The following DSCAML1 variants were observed in gnomAD, a reference collection of about 807,000 sequenced individuals.
DSCAML1 encodes the protein cell adhesion molecule DSCAML1.
A neutral mutation model predicts 200.5 loss-of-function variants in DSCAML1; 38 were observed. The observed-to-expected ratio is 0.19, with a 90% CI of 0.15 to 0.25. The LOEUF (loss-of-function observed/expected upper bound fraction) is 0.25. Ranked by LOEUF, DSCAML1 falls within the 10% of genes least tolerant of loss-of-function variation. DSCAML1 has a pLI of 1.00. For missense variants in DSCAML1, 2,223 were observed against 2,858.8 expected (o/e 0.78, Z 5.07); for synonymous variants, 1,215 against 1,165.0 (o/e 1.04, Z -0.87).
At chr11:117,649,508 A>C (rs2052586259) in intron 3 of DSCAML1, among the ~76,000 whole-genome samples, 1 of 150,952 alleles carries the variant, frequency 6.6e-6, no homozygotes, top group Non-Finnish European at 1.5e-5. Context: ...AATATCTTTG[A>C]CTCTCCCATC....
chr11:117,749,416 G>A (rs1207340351), intron 3 of DSCAML1, among the ~76,000 whole-genome samples: 8 of 152,210 alleles, frequency 5.3e-5, no homozygotes. Flanking sequence ...GACACAGAAG[G>A]CAGGGCCAGG....
At chr11:117,720,941 G>A (rs2054032416) in intron 3 of DSCAML1, among the ~76,000 whole-genome samples, 1 of 152,216 alleles carries the variant, frequency 6.6e-6, no homozygotes, top group Non-Finnish European at 1.5e-5. Flanking sequence ...TGTCCTCTAA[G>A]AAGTGTCCTG....
At chr11:117,691,445 T>C (rs1226299808) in intron 3 of DSCAML1, among the ~76,000 whole-genome samples, 1 of 152,234 alleles carries the variant, frequency 6.6e-6, no homozygotes, top group South Asian at 2.1e-4. Context: ...TTACATTCAG[T>C]TGCAGGCTTC....
At chr11:117,594,772 T>TG (rs1272350671) in intron 3 of DSCAML1, among the ~76,000 whole-genome samples, 1 of 152,186 alleles carries the variant, frequency 6.6e-6, no homozygotes, top group African/African-American at 2.4e-5. Context: ...TAGTCCTATG[T>TG]GGTTGGAGCC....
At chr11:117,582,096 G>A (rs954336431) in intron 3 of DSCAML1, among the ~76,000 whole-genome samples, 2 of 152,158 alleles carry the variant, frequency 1.3e-5, no homozygotes, top group African/African-American at 2.4e-5. Flanking sequence ...GAGTTCAGGG[G>A]ACAAGAAGGG....
chr11:117,537,079 C>T (rs533734802), intron 3 of DSCAML1, among the ~76,000 whole-genome samples: 1 of 152,336 alleles, frequency 6.6e-6, no homozygotes, highest in Admixed American at 6.5e-5. Context: ...AGTCGACTTC[C>T]TATGCTCTTC....
intron 1 of DSCAML1, among the ~76,000 whole-genome samples, chr11:117,787,532 T>C (rs746289764): frequency 6.6e-6 from 1 of 152,218 alleles, no homozygotes; most frequent in African/African-American, 2.4e-5. Flanking sequence ...AAGTCTGTCA[T>C]AGGGCCAGAA....
intron 11 of DSCAML1, among the ~76,000 whole-genome samples, chr11:117,499,547 GCA>G (rs1203637374): frequency 2.0e-5 from 3 of 152,230 alleles, no homozygotes; most frequent in Non-Finnish European, 4.4e-5. Context: ...GTCCGTAGAA[GCA>G]GGTTCTGGCC....
In DSCAML1 at chr11:117,797,088, G is replaced by A. The variant is rs752783913; in HGVS notation, c.-9C>T. On this transcript the variant is annotated 5_prime_UTR_variant, in exon 1 of 33. Transcript: ENST00000651296. ...AAAGTTACCAGCCACATGCCATAAAGAGGCCCTATTCTCCGGGGAGGTGGT... is the reference window on the plus strand; with the variant it reads ...AAAGTTACCAGCCACATGCCATAAAAAGGCCCTATTCTCCGGGGAGGTGGT... The A allele has an allele frequency of 2.5e-6, 4 of 1,584,212 alleles. No homozygotes were observed. Among genetic ancestry groups the A allele is most frequent in the Non-Finnish European group, 1.7e-6 (2 of 1,166,110 alleles).
At position 117,437,503 on chromosome 11, in the gene DSCAML1, T is replaced by A; in HGVS notation, c.4433-94A>T. The A allele has an allele frequency of 7.0e-7, 1 of 1,433,320 alleles. No individual in the cohort carries two copies. Among genetic ancestry groups the A allele is most frequent in the Non-Finnish European group, 9.5e-7 (1 of 1,050,080 alleles). 88.8% of individuals were successfully genotyped at this position (1,433,320 alleles called of 1,614,324 possible). A position where few individuals can be genotyped will look rare whatever the true frequency, so the allele number is the denominator to read the frequency against. ...CTGGAAAGGATTTCCCTGGGGCAGC[T>A]GGGATGGCAGTGGCTCCAGGAGAAT... On this transcript the variant is annotated intron_variant, in intron 25 of 32. Transcript: ENST00000651296. This position sits in a 1 kb window ranked among gnomAD's most constrained non-coding sequence, Gnocchi z 5.3.
At chr11:117,615,816 T>C (rs931235516) in intron 3 of DSCAML1, among the ~76,000 whole-genome samples, 1 of 152,196 alleles carries the variant, frequency 6.6e-6, no homozygotes, top group African/African-American at 2.4e-5. Flanking sequence ...AGGGTTCCCA[T>C]CAGTGGCCCT....
intron 3 of DSCAML1, among the ~76,000 whole-genome samples, chr11:117,558,222 C>A (rs928980790): frequency 3.3e-5 from 5 of 152,140 alleles, no homozygotes; most frequent in Non-Finnish European, 2.9e-5. Context: ...CTGCTGCCAG[C>A]ACCTACAGGC....
At position 117,481,239 on chromosome 11, in the gene DSCAML1, A is replaced by G; in HGVS notation, c.2591T>C (p.Phe864Ser). Residue 864 changes from phenylalanine to serine, a missense_variant, in exon 13 of 33, where the codon TTC (phenylalanine) becomes TCC (serine). Transcript: ENST00000651296. The part of the protein sequence containing the change: ...LKPADRGDSV[F>S]FSCHAINSYG... Reference sequence around the variant, plus strand: ...CGAGTTGATGGCATGGCAGCTGAAGAACACAGAGTCCCCACGGTCAGCGGG... The same window carrying G: ...CGAGTTGATGGCATGGCAGCTGAAGGACACAGAGTCCCCACGGTCAGCGGG... 1 of 1,613,840 alleles carries G rather than the reference A, an allele frequency of 6.2e-7. No individual in the cohort carries two copies.
At chr11:117,734,397 A>G (rs1301284578) in intron 3 of DSCAML1, among the ~76,000 whole-genome samples, 2 of 152,166 alleles carry the variant, frequency 1.3e-5, no homozygotes, top group East Asian at 3.9e-4. Context: ...GAGACTAGAA[A>G]ATCCCTGCTG....
At chr11:117,532,729 C>G (rs2050104728) in intron 3 of DSCAML1, among the ~76,000 whole-genome samples, 1 of 152,166 alleles carries the variant, frequency 6.6e-6, no homozygotes, top group African/African-American at 2.4e-5. Flanking sequence ...GGGTCCCGAT[C>G]TGGCTTTTCT....
At chr11:117,604,942 G>C (rs894870366) in intron 3 of DSCAML1, among the ~76,000 whole-genome samples, 4 of 152,324 alleles carry the variant, frequency 2.6e-5, no homozygotes, top group Non-Finnish European at 5.9e-5. Flanking sequence ...CAGGCTGTCT[G>C]TTGGCTGTGG....
intron 3 of DSCAML1, among the ~76,000 whole-genome samples, chr11:117,540,354 T>C (rs896258829): frequency 1.3e-5 from 2 of 152,080 alleles, no homozygotes; most frequent in African/African-American, 4.8e-5. Flanking sequence ...CTTATGAGAA[T>C]CTAATGCCTC....
intron 3 of DSCAML1, among the ~76,000 whole-genome samples, chr11:117,657,161 A>C (rs1468331453): frequency 6.6e-6 from 1 of 152,186 alleles, no homozygotes; most frequent in African/African-American, 2.4e-5. Context: ...GTCCATCAAC[A>C]TCCACATCCC....
intron 3 of DSCAML1, among the ~76,000 whole-genome samples, chr11:117,576,962 G>T (rs2050944057): frequency 2.0e-5 from 3 of 152,176 alleles, no homozygotes; most frequent in Non-Finnish European, 4.4e-5. Context: ...CATGACTTGG[G>T]CTTACTTTGA....
Sources: gnomAD v4.1 joint callset for allele counts (sites outside exome capture counted in the v4.1 genomes callset) on GRCh38, gnomAD v4.1.1 for gene constraint, Gnocchi (gnomAD v3.1) non-coding constraint, MANE v1.5 for transcripts, NCBI Gene and HGNC (gene_info 2026-07-23, HGNC 2026-07-21) for gene names.